The following GRIK1 variants were observed in gnomAD, a reference collection of about 807,000 sequenced individuals.
The protein encoded by GRIK1 is glutamate receptor ionotropic, kainate 1.
Under a neutral mutation model 105.7 loss-of-function variants are expected in GRIK1, and 69 were observed. The ratio of observed to expected loss-of-function variants is 0.65; its 90% CI spans 0.54 to 0.80. The LOEUF (loss-of-function observed/expected upper bound fraction) is 0.80, where lower values mean the gene tolerates loss of function less well. Among genes scored for constraint, GRIK1 ranks in the 30% least tolerant of loss-of-function variants. The pLI, the probability that GRIK1 is intolerant of heterozygous loss-of-function variation, is 0.00. For missense variants in GRIK1, 1,109 were observed against 1,167.3 expected, an observed-to-expected ratio of 0.95 and a Z score of 0.73; for synonymous variants, 438 against 431.3, an observed-to-expected ratio of 1.02 and a Z score of -0.19.
chr21:29,897,583 T>C (rs910045881), intron 1 of GRIK1, among the ~76,000 whole-genome samples: 15 of 152,324 alleles, frequency 9.8e-5, no homozygotes, highest in African/African-American at 3.6e-4. Context: ...ACATTCATGT[T>C]AAACCCAAAA....
chr21:29,813,542 A>G (rs114677736), intron 1 of GRIK1, among the ~76,000 whole-genome samples: 269 of 152,312 alleles, frequency 1.8e-3, no homozygotes, highest in African/African-American at 6.3e-3. Flanking sequence ...AATATAGAAC[A>G]TTAAATTTCT....
At chr21:29,698,206 G>T (rs1187846464) in intron 1 of GRIK1, among the ~76,000 whole-genome samples, 3 of 152,094 alleles carry the variant, frequency 2.0e-5, no homozygotes, top group African/African-American at 4.8e-5. Flanking sequence ...TTTGAGATGA[G>T]AAATCCCTAC....
rs558946641 is a variant in GRIK1, at chr21:29,700,513, A to G, written c.119-6450T>C. 1.4e-4 allele frequency among the ~76,000 whole-genome samples: 21 copies of G among 152,332 alleles called. No individual in the cohort carries two copies. The South Asian group carries it at 2.5e-3, about 18-fold the overall frequency. On this transcript the variant is annotated intron_variant, in intron 1 of 17. Transcript: ENST00000327783. ...CCAAACTTTCCCTTAATCCCACATT[A>G]TATGGAGAGAATCAGAATGTCAAAG...
At chr21:29,746,779 G>A (rs566608811) in intron 1 of GRIK1, among the ~76,000 whole-genome samples, 4 of 152,166 alleles carry the variant, frequency 2.6e-5, no homozygotes, top group African/African-American at 9.7e-5. Context: ...CAATTGAAGG[G>A]AACAACCAGA....
At chr21:29,547,037 ATCC>A (rs1325544633) in intron 16 of GRIK1, among the ~76,000 whole-genome samples, 2 of 152,328 alleles carry the variant, frequency 1.3e-5, no homozygotes, top group Admixed American at 6.5e-5. Context: ...CTCATTTATC[ATCC>A]TCTTTTGTGA....
chr21:29,896,028 C>A (rs1475866056), intron 1 of GRIK1, among the ~76,000 whole-genome samples: 2 of 152,214 alleles, frequency 1.3e-5, no homozygotes, highest in African/African-American at 4.8e-5. Flanking sequence ...CCCACAACTA[C>A]CTGCATGGCT....
intron 1 of GRIK1, among the ~76,000 whole-genome samples, chr21:29,767,661 T>C (rs900737619): frequency 4.6e-5 from 7 of 152,192 alleles, no homozygotes; most frequent in Non-Finnish European, 1.0e-4. Context: ...CAGAGAACAA[T>C]TTTAGAGGTC....
chr21:29,843,523 GA>G, intron 1 of GRIK1, among the ~76,000 whole-genome samples: 1 of 152,108 alleles, frequency 6.6e-6, no homozygotes, highest in Admixed American at 6.6e-5. Flanking sequence ...GAAATTTGTT[GA>G]AAGTAAGATT....
intron 1 of GRIK1, among the ~76,000 whole-genome samples, chr21:29,849,271 A>G (rs2068232821): frequency 6.6e-6 from 1 of 152,212 alleles, no homozygotes; most frequent in African/African-American, 2.4e-5. Context: ...AACATTCATG[A>G]GATTAATAAA....
intron 10 of GRIK1, 138 bp downstream of exon 10, chr21:29,590,974 C>T: frequency 1.5e-6 from 1 of 680,474 alleles, no homozygotes; most frequent in South Asian, 1.7e-5. Flanking sequence ...TATGTACAAA[C>T]ACAGGCTTTT....
rs193108020 is a variant in GRIK1 at position 29,765,940 on chromosome 21, C to T, written c.119-71877G>A. Among the ~76,000 whole-genome samples, 137 of 152,088 alleles carry T rather than the reference C, an allele frequency of 9.0e-4. 1 individual carries two copies. Among genetic ancestry groups the T allele is most frequent in the African/African-American group, 3.0e-3 (123 of 41,464 alleles). ...GATCTCGGCTCATTGCAAGTTCCACCTCCCGGGTTCACGCCATTCTCCTGC... is the reference window on the plus strand; with the variant it reads ...GATCTCGGCTCATTGCAAGTTCCACTTCCCGGGTTCACGCCATTCTCCTGC... On this transcript the variant is annotated intron_variant, in intron 1 of 17. Transcript: ENST00000327783.
At chr21:29,812,599 C>G (rs2067040800) in intron 1 of GRIK1, among the ~76,000 whole-genome samples, 1 of 152,252 alleles carries the variant, frequency 6.6e-6, no homozygotes, top group African/African-American at 2.4e-5. Context: ...AACTTGTGTT[C>G]TATTCCTTTG....
At chr21:29,851,310 C>T (rs973287115) in intron 1 of GRIK1, among the ~76,000 whole-genome samples, 3 of 152,208 alleles carry the variant, frequency 2.0e-5, no homozygotes, top group Non-Finnish European at 4.4e-5. Context: ...CCACCTCGGC[C>T]TCCCAAAGTG....
chr21:29,712,899 C>T (rs759624837), intron 1 of GRIK1, among the ~76,000 whole-genome samples: 10 of 151,976 alleles, frequency 6.6e-5, no homozygotes, highest in Admixed American at 1.3e-4. Context: ...TTTACTCCAC[C>T]ACTTTTTGGA....
intron 12 of GRIK1, among the ~76,000 whole-genome samples, chr21:29,586,653 G>A (rs2091136644): frequency 6.6e-6 from 1 of 152,174 alleles, no homozygotes; most frequent in African/African-American, 2.4e-5. Context: ...AGCATCAAAA[G>A]TATTCAGAAT....
intron 1 of GRIK1, among the ~76,000 whole-genome samples, chr21:29,821,215 A>G (rs2067297976): frequency 6.6e-6 from 1 of 152,076 alleles, no homozygotes; most frequent in Admixed American, 6.6e-5. Flanking sequence ...TCAATAAAGT[A>G]AGCCAAAAAA....
At chr21:29,731,681 G>A (rs539745610) in intron 1 of GRIK1, among the ~76,000 whole-genome samples, 2 of 152,100 alleles carry the variant, frequency 1.3e-5, no homozygotes, top group Non-Finnish European at 2.9e-5. Context: ...GTTAATTGTT[G>A]ATCACCATCA....
intron 1 of GRIK1, among the ~76,000 whole-genome samples, chr21:29,903,452 C>G (rs1162056826): frequency 6.6e-6 from 1 of 152,074 alleles, no homozygotes; most frequent in African/African-American, 2.4e-5. Flanking sequence ...AAGCAAACAA[C>G]CTCATCAAAA....
At chr21:29,924,261 C>T (rs1037009123) in intron 1 of GRIK1, among the ~76,000 whole-genome samples, 3 of 149,990 alleles carry the variant, frequency 2.0e-5, no homozygotes, top group Admixed American at 6.7e-5. Flanking sequence ...TGCTTGAACC[C>T]GGGAGGTGGA....
Sources: gnomAD v4.1 joint callset for allele counts (sites outside exome capture counted in the v4.1 genomes callset) on GRCh38, gnomAD v4.1.1 for gene constraint, MANE v1.5 for transcripts, NCBI Gene and HGNC (gene_info 2026-07-23, HGNC 2026-07-21) for gene names.